Variants in TNRC6A observed in about 807,000 individuals in gnomAD.
The protein encoded by TNRC6A is trinucleotide repeat-containing gene 6A protein.
In TNRC6A, 44 loss-of-function variants were observed where a neutral mutation model predicts 221.2. The ratio of observed to expected loss-of-function variants is 0.20; its 90% confidence interval spans 0.16 to 0.26. The LOEUF is 0.26. TNRC6A is among the 10% of genes least tolerant of loss of function. TNRC6A has a pLI of 1.00. For missense variants in TNRC6A, 2,199 were observed against 2,404.4 expected, an observed-to-expected ratio of 0.91 and a Z score of 1.79; for synonymous variants, 847 against 838.5, an observed-to-expected ratio of 1.01 and a Z score of -0.18.
intron 2 of TNRC6A, among the ~76,000 whole-genome samples, chr16:24,703,822 G>A (rs544821734): frequency 2.3e-4 from 35 of 151,986 alleles, no homozygotes; most frequent in African/African-American, 7.5e-4. Context: ...GGTGGCTCAC[G>A]CCTGTAATCC....
intron 2 of TNRC6A, among the ~76,000 whole-genome samples, chr16:24,703,495 T>C (rs1205553551): frequency 1.3e-5 from 2 of 152,162 alleles, no homozygotes; most frequent in Non-Finnish European, 2.9e-5. Flanking sequence ...AGAGGATCAC[T>C]TGAGCCCAGG....
chr16:24,702,012 A>G (rs1246810569), intron 2 of TNRC6A, among the ~76,000 whole-genome samples: 1 of 151,050 alleles, frequency 6.6e-6, no homozygotes, highest in Non-Finnish European at 1.5e-5. Context: ...CCTCTCAATA[A>G]CCCCACTGAT....
chr16:24,818,809 C>G, intron 21 of TNRC6A, 109 bp downstream of exon 21: 2 of 828,914 alleles, frequency 2.4e-6, no homozygotes, highest in Non-Finnish European at 4.1e-6. Flanking sequence ...TTAGGAGATT[C>G]TGTTTGTGAG....
intron 2 of TNRC6A, 127 bp downstream of exon 2, chr16:24,730,427 G>C: frequency 9.0e-7 from 1 of 1,114,232 alleles, no homozygotes; most frequent in Non-Finnish European, 1.3e-6. Flanking sequence ...AGACATTCGG[G>C]AGAAGCGGCC....
intron 2 of TNRC6A, among the ~76,000 whole-genome samples, chr16:24,645,834 C>CAAAAA (rs36106864): frequency 0.083 from 2,195 of 26,606 alleles, 610 homozygotes; most frequent in Non-Finnish European, 0.13. Context: ...CCTGTATCTA[C>CAAAAA]AAAAAAAAAA....
chr16:24,799,328 C>T (rs2058284824), intron 11 of TNRC6A, among the ~76,000 whole-genome samples: 1 of 152,176 alleles, frequency 6.6e-6, no homozygotes, highest in Non-Finnish European at 1.5e-5. Flanking sequence ...TCATCCCAAC[C>T]CTTTGACTAC....
At chr16:24,714,461 A>G (rs2056273862) in intron 2 of TNRC6A, among the ~76,000 whole-genome samples, 1 of 151,596 alleles carries the variant, frequency 6.6e-6, no homozygotes, top group South Asian at 2.1e-4. Context: ...GGTGCCCACC[A>G]CCAAACCCGG....
chr16:24,801,716 CT>C (rs2151959596), intron 11 of TNRC6A, among the ~76,000 whole-genome samples: 1 of 152,228 alleles, frequency 6.6e-6, no homozygotes, highest in South Asian at 2.1e-4. Flanking sequence ...TCGCAAACTC[CT>C]GCCTGCCTCG....
chr16:24,713,441 CAAACAAACAAA>C (rs1163243995), intron 2 of TNRC6A, among the ~76,000 whole-genome samples: 30 of 127,790 alleles, frequency 2.3e-4, no homozygotes, highest in African/African-American at 9.3e-4. Flanking sequence ...AACAAACAAA[CAAACAAACAAA>C]AAAATATATA....
At chr16:24,708,127 T>C (rs2056133745) in intron 2 of TNRC6A, among the ~76,000 whole-genome samples, 2 of 151,800 alleles carry the variant, frequency 1.3e-5, no homozygotes, top group Non-Finnish European at 2.9e-5. Context: ...AAATTGCTGG[T>C]GAGGATGAAA....
intron 4 of TNRC6A, among the ~76,000 whole-genome samples, chr16:24,771,970 T>C (rs2057620913): frequency 6.6e-6 from 1 of 152,262 alleles, no homozygotes; most frequent in Non-Finnish European, 1.5e-5. Flanking sequence ...CATTTACCTG[T>C]TGTCTATGAC....
At chr16:24,658,437 C>G (rs550775576) in intron 2 of TNRC6A, among the ~76,000 whole-genome samples, 8 of 152,334 alleles carry the variant, frequency 5.3e-5, no homozygotes, top group African/African-American at 1.7e-4. Context: ...TCTTGGCTCA[C>G]TGCAACCTCT....
chr16:24,646,433 T>C (rs976617794), intron 2 of TNRC6A, among the ~76,000 whole-genome samples: 3 of 152,216 alleles, frequency 2.0e-5, no homozygotes, highest in African/African-American at 7.2e-5. Context: ...TTTGTATGTA[T>C]ACACTGAACA....
chr16:24,712,840 A>G (rs1253390973), intron 2 of TNRC6A, among the ~76,000 whole-genome samples: 1 of 151,200 alleles, frequency 6.6e-6, no homozygotes, highest in African/African-American at 2.4e-5. Context: ...TGCAGCCTCA[A>G]TCTCCTGGGC....
chr16:24,822,893 G>A lies in TNRC6A; in HGVS notation c.5393G>A (p.Arg1798His), dbSNP rs1238667244. The change falls in exon 24 of 25, where the codon CGC becomes CAC. Residue 1798 changes from arginine to histidine, a missense_variant. Transcript: ENST00000395799. ...TCCTAGATCGATGGCTCAACTCTGC[G>A]CACTCTGTGCATGCAGCACGGCCCG... Reference protein sequence around the residue: ...LTPQIDGSTLRTLCMQHGPLI... With the variant: ...LTPQIDGSTLHTLCMQHGPLI... 5.6e-6 allele frequency: 9 copies of A among 1,613,736 alleles called. No individual in the cohort carries two copies. Among genetic ancestry groups the A allele is most frequent in the Non-Finnish European group, 7.6e-6 (9 of 1,180,032 alleles).
chr16:24,776,589 T>A (rs1055000884), intron 4 of TNRC6A: 2 of 985,304 alleles, frequency 2.0e-6, no homozygotes, highest in African/African-American at 3.5e-5. Flanking sequence ...GTTGGCCACA[T>A]TTGTTCTTTG....
intron 2 of TNRC6A, among the ~76,000 whole-genome samples, chr16:24,657,077 C>A (rs1193218633): frequency 1.3e-5 from 2 of 151,668 alleles, no homozygotes; most frequent in African/African-American, 4.8e-5. Context: ...CTTTGGGAGG[C>A]CAAGGCAAAA....
intron 18 of TNRC6A, among the ~76,000 whole-genome samples, chr16:24,813,656 C>T (rs956944092): frequency 6.6e-6 from 1 of 152,150 alleles, no homozygotes; most frequent in Admixed American, 6.5e-5. Context: ...TCATCACTAT[C>T]TCATCAGATA....
chr16:24,812,162 G>A, intron 18 of TNRC6A, among the ~76,000 whole-genome samples: 1 of 149,460 alleles, frequency 6.7e-6, no homozygotes, highest in Non-Finnish European at 1.5e-5. Context: ...TGGTTCTCGT[G>A]CCTCAGCCTC....
Sources: allele counts gnomAD v4.1 joint callset (sites outside exome capture counted in the v4.1 genomes callset), GRCh38; gene constraint gnomAD v4.1.1; transcripts MANE v1.5; gene names NCBI Gene and HGNC (gene_info 2026-07-23, HGNC 2026-07-21).